The following ARHGAP8 variants were observed in gnomAD, a reference collection of about 807,000 sequenced individuals.
The protein encoded by ARHGAP8 is rho GTPase-activating protein 8.
Under a neutral mutation model 46.1 loss-of-function variants are expected in ARHGAP8, and 62 were observed. The observed-to-expected ratio is 1.34, with a 90% CI of 1.10 to 1.66. ARHGAP8 has a LOEUF of 1.66. ARHGAP8 is among the 40% of genes most tolerant of loss of function. The pLI, the probability that ARHGAP8 is intolerant of heterozygous loss-of-function variation, is 0.00. For missense variants in ARHGAP8, 923 were observed against 568.4 expected (o/e 1.62, Z -6.34); for synonymous variants, 375 against 243.1 (o/e 1.54, Z -5.05).
intron 1 of ARHGAP8, chr22:44,765,934 C>T (rs1197955995): frequency 6.6e-6 from 1 of 152,400 alleles, no homozygotes; most frequent in African/African-American, 2.4e-5. Flanking sequence ...CTGTGCCCCT[C>T]TCCAGGCCCT....
intron 3 of ARHGAP8, among the ~76,000 whole-genome samples, chr22:44,806,522 T>A (rs1928931231): frequency 6.6e-6 from 1 of 152,166 alleles, no homozygotes; most frequent in Admixed American, 6.5e-5. Flanking sequence ...TTCACCTCTG[T>A]GAGTCTCAGT....
chr22:44,773,600 G>A (rs978125809), intron 1 of ARHGAP8, among the ~76,000 whole-genome samples: 5 of 151,694 alleles, frequency 3.3e-5, no homozygotes, highest in African/African-American at 1.2e-4. Context: ...CTTTTTTCTT[G>A]AGACAGGGTT....
chr22:44,830,446 T>A lies in ARHGAP8; in HGVS notation c.596+4853T>A, dbSNP rs368942547. 8.9e-3 allele frequency among the ~76,000 whole-genome samples: 1,350 copies of A among 152,216 alleles called. 22 individuals carry two copies. The highest frequency in any genetic ancestry group is 0.03 in the African/African-American group (1,265 of 41,532). Reference sequence around the variant, plus strand: ...TTCCAGTTCGGATGATTCTCCTGCCTCAGCCTCCTGAGTAGCTGGGATTAC... The same window carrying A: ...TTCCAGTTCGGATGATTCTCCTGCCACAGCCTCCTGAGTAGCTGGGATTAC... On this transcript the variant is annotated intron_variant, in intron 7 of 11. Transcript: ENST00000356099.
chr22:44,824,275 G>A (rs1930352258), intron 6 of ARHGAP8, among the ~76,000 whole-genome samples: 1 of 152,196 alleles, frequency 6.6e-6, no homozygotes, highest in African/African-American at 2.4e-5. Context: ...CCTCATGAGG[G>A]ACCGAGACAT....
intron 2 of ARHGAP8, among the ~76,000 whole-genome samples, chr22:44,799,262 C>T (rs559620066): frequency 1.3e-5 from 2 of 152,364 alleles, no homozygotes; most frequent in East Asian, 1.9e-4. Flanking sequence ...CGTGTGGCCT[C>T]TCCCTGTACA....
intron 4 of ARHGAP8, among the ~76,000 whole-genome samples, chr22:44,812,569 A>AT (rs1444991944): frequency 6.6e-6 from 1 of 151,688 alleles, no homozygotes; most frequent in African/African-American, 2.4e-5. Flanking sequence ...GTTGGCCAGG[A>AT]TGGTCTCCAT....
At chr22:44,803,028 C>G (rs1928667711) in intron 3 of ARHGAP8, among the ~76,000 whole-genome samples, 1 of 152,156 alleles carries the variant, frequency 6.6e-6, no homozygotes, top group Admixed American at 6.5e-5. Flanking sequence ...ACTGGCTCAG[C>G]AGGCATCTAT....
At chr22:44,846,571 G>A (rs1322670916) in intron 8 of ARHGAP8, among the ~76,000 whole-genome samples, 1 of 152,138 alleles carries the variant, frequency 6.6e-6, no homozygotes, top group African/African-American at 2.4e-5. Context: ...ACCCCACACT[G>A]GGACCCCAAG....
chr22:44,860,744 A>G (rs3830111), intron 11 of ARHGAP8, among the ~76,000 whole-genome samples: 64,136 of 133,362 alleles, frequency 0.48, 13,792 homozygotes, highest in East Asian at 0.6. Context: ...TGGAGCAAAA[A>G]CCTGTGCAGC....
intron 6 of ARHGAP8, among the ~76,000 whole-genome samples, chr22:44,824,151 G>A (rs1447866741): frequency 2.6e-5 from 4 of 152,172 alleles, no homozygotes; most frequent in Non-Finnish European, 4.4e-5. Flanking sequence ...GGGCCTTGGG[G>A]TGCTGAATCC....
Position 44,860,181 on chromosome 22 carries a change from C to CAGAGCCCAGTGGTAT in ARHGAP8, c.981+359_981+360insTATAGAGCCCAGTGG, listed in dbSNP as rs1418911602. Reference sequence around the variant, plus strand: ...GTGGGAGCTGTGTCCACCACTGGTACAGAGCCCAGTGGACTGAGCTGACCA... The same window carrying CAGAGCCCAGTGGTAT: ...GTGGGAGCTGTGTCCACCACTGGTACAGAGCCCAGTGGTATAGAGCCCAGTGGACTGAGCTGACCA... On this transcript the variant is annotated intron_variant, in intron 11 of 11. Transcript: ENST00000356099. Among the ~76,000 whole-genome samples the CAGAGCCCAGTGGTAT allele has an allele frequency of 2.6e-5, 4 of 152,256 alleles. No homozygotes were observed. The East Asian group carries it at 7.7e-4, about 29-fold the overall frequency.
intron 3 of ARHGAP8, among the ~76,000 whole-genome samples, chr22:44,807,586 C>T (rs1004013278): frequency 6.6e-6 from 1 of 152,210 alleles, no homozygotes; most frequent in Admixed American, 6.5e-5. Context: ...AGCAGTCAAG[C>T]ATTCCTGGGT....
chr22:44,764,681 C>T lies in ARHGAP8; in HGVS notation c.-72+12054C>T, dbSNP rs540721849. On this transcript the variant is annotated intron_variant, in intron 1 of 11. Coordinates refer to ENST00000356099, the MANE Select transcript of ARHGAP8 (RefSeq NM_181335.3). Reference sequence around the variant, plus strand: ...GTGTCAGTTGACGACACAAGATGCTCGCTGGGGTGGTCCTGGTGCCACTCT... The same window carrying T: ...GTGTCAGTTGACGACACAAGATGCTTGCTGGGGTGGTCCTGGTGCCACTCT... Among the ~76,000 whole-genome samples, 21 of 152,272 alleles carry T rather than the reference C, an allele frequency of 1.4e-4. No homozygotes were observed. In the East Asian group the frequency reaches 2.3e-3, roughly 17 times the overall value.
At chr22:44,778,114 T>C (rs1376064690) in intron 1 of ARHGAP8, among the ~76,000 whole-genome samples, 1 of 152,056 alleles carries the variant, frequency 6.6e-6, no homozygotes, top group African/African-American at 2.4e-5. Flanking sequence ...TTGTGAGATT[T>C]GGGTGCACCC....
At chr22:44,759,796 A>T (rs1420218444) in intron 1 of ARHGAP8, among the ~76,000 whole-genome samples, 1 of 152,152 alleles carries the variant, frequency 6.6e-6, no homozygotes, top group Non-Finnish European at 1.5e-5. Flanking sequence ...GAAAAGGGAG[A>T]TATGATTACT....
At chr22:44,773,892 C>A (rs132471) in intron 1 of ARHGAP8, among the ~76,000 whole-genome samples, 130,374 of 152,242 alleles carry the variant, frequency 0.86, 55,860 homozygotes, top group Non-Finnish European at 0.89. Context: ...AAAATGTAGA[C>A]TTATTAATAT....
chr22:44,818,705 CT>C (rs1929926526), intron 5 of ARHGAP8, among the ~76,000 whole-genome samples: 1 of 151,792 alleles, frequency 6.6e-6, no homozygotes, highest in African/African-American at 2.4e-5. Flanking sequence ...CCTTCCTTTT[CT>C]CTTTTTTTTT....
chr22:44,755,386 T>C (rs1369090731), intron 1 of ARHGAP8, among the ~76,000 whole-genome samples: 2 of 152,244 alleles, frequency 1.3e-5, no homozygotes, highest in Non-Finnish European at 2.9e-5. Flanking sequence ...GAAATTAGCA[T>C]GGGGAGAGAA....
At chr22:44,767,984 C>CTTT (rs1167255172) in intron 1 of ARHGAP8, among the ~76,000 whole-genome samples, 1,024 of 47,244 alleles carry the variant, frequency 0.022, 376 homozygotes, top group African/African-American at 0.067. Context: ...CGCATGATGT[C>CTTT]TTTTTTTTTT....
Sources: gnomAD v4.1 joint callset for allele counts (sites outside exome capture counted in the v4.1 genomes callset) on GRCh38, gnomAD v4.1.1 for gene constraint, MANE v1.5 for transcripts, NCBI Gene and HGNC (gene_info 2026-07-23, HGNC 2026-07-21) for gene names.